Variants in CMIP observed in about 807,000 individuals in gnomAD.
CMIP encodes the protein c-Maf inducing protein, also known as C-Maf-inducing protein.
CMIP carries 13 observed loss-of-function variants against 97.3 expected under a neutral mutation model. The ratio of observed to expected loss-of-function variants is 0.13; its 90% CI spans 0.09 to 0.21. The LOEUF (loss-of-function observed/expected upper bound fraction) is 0.21, where lower values mean the gene tolerates loss of function less well. Among genes scored for constraint, CMIP ranks in the 10% least tolerant of loss-of-function variants. The probability of loss-of-function intolerance (pLI) is 1.00; values close to 1 mark genes in which losing one functional copy is unlikely to be tolerated. For missense variants in CMIP, 847 were observed against 1,024.9 expected (o/e 0.83, Z 2.37); for synonymous variants, 538 against 436.3 (o/e 1.23, Z -2.91).
At chr16:81,671,487 C>A (rs2092682697) in intron 8 of CMIP, among the ~76,000 whole-genome samples, 1 of 152,184 alleles carries the variant, frequency 6.6e-6, no homozygotes, top group Non-Finnish European at 1.5e-5. Flanking sequence ...TCTTCCAAAG[C>A]AGGATATGTT....
Position 81,652,184 on chromosome 16 carries a change from C to CT in CMIP, c.478-16dup. 6.2e-7 allele frequency: 1 copy of CT among 1,601,034 alleles called. No homozygotes were observed. ...TTACGTGAGTAACATGTTGCTGTCT[C>CT]TTTATCTCTTTCAACCAGAAAAAGA... On this transcript the variant is annotated intron_variant, in intron 3 of 20. Transcript: ENST00000537098. This position sits in a 1 kb window ranked among gnomAD's most constrained non-coding sequence, Gnocchi z 5.2.
At chr16:81,690,168 G>T (rs1471475559) in intron 10 of CMIP, among the ~76,000 whole-genome samples, 3 of 152,196 alleles carry the variant, frequency 2.0e-5, no homozygotes, top group Admixed American at 2.0e-4. Flanking sequence ...GAACTTTAAA[G>T]TAGTTTTTTC....
At chr16:81,479,983 C>G (rs948734579) in intron 1 of CMIP, among the ~76,000 whole-genome samples, 4 of 152,198 alleles carry the variant, frequency 2.6e-5, no homozygotes, top group Non-Finnish European at 4.4e-5. Context: ...GTGTGGTTCT[C>G]AGCCCTGGCC....
intron 1 of CMIP, among the ~76,000 whole-genome samples, chr16:81,473,587 G>C (rs750833376): frequency 6.6e-6 from 1 of 151,636 alleles, no homozygotes; most frequent in Non-Finnish European, 1.5e-5. Flanking sequence ...AGTTGGGCGG[G>C]GGTTGACTTA....
chr16:81,703,063 C>T (rs545915339), intron 17 of CMIP, among the ~76,000 whole-genome samples: 1 of 152,192 alleles, frequency 6.6e-6, no homozygotes, highest in African/African-American at 2.4e-5. Context: ...GGTCTTATTT[C>T]CTTCTATTCT....
Position 81,707,488 on chromosome 16 carries a change from C to G in CMIP, c.2268+404C>G, listed in dbSNP as rs535351634. Among the ~76,000 whole-genome samples, 3 of 152,326 alleles carry G rather than the reference C, an allele frequency of 2.0e-5. No homozygotes were observed. The South Asian group carries it at 6.2e-4, about 32-fold the overall frequency. ...GGGCTGGGGCCGGATGGAAAAAGCC[C>G]TCACAGGTCACAGCAGAGCAGCGAG... is the stretch of plus-strand genomic sequence containing the variant. On this transcript the variant is annotated intron_variant, in intron 20 of 20. Coordinates refer to ENST00000537098, the MANE Select transcript of CMIP (RefSeq NM_198390.3).
chr16:81,510,293 T>C (rs1309669653), intron 1 of CMIP, among the ~76,000 whole-genome samples: 2 of 152,044 alleles, frequency 1.3e-5, no homozygotes, highest in Non-Finnish European at 2.9e-5. Flanking sequence ...TGGGTGTGAG[T>C]CGCCCAAGTG....
chr16:81,613,387 A>G (rs2091863057), intron 2 of CMIP, among the ~76,000 whole-genome samples: 1 of 152,220 alleles, frequency 6.6e-6, no homozygotes, highest in African/African-American at 2.4e-5. Context: ...GTGGGGTCAG[A>G]CAGACCTGAG....
Position 81,652,402 on chromosome 16 carries a change from C to G in CMIP, c.639+38C>G. 1.3e-6 allele frequency: 2 copies of G among 1,564,924 alleles called. No homozygotes were observed. Among genetic ancestry groups the G allele is most frequent in the South Asian group, 1.1e-5 (1 of 87,644 alleles). ...CCCTGGACCCCTTTACATTGTTTGC[C>G]TTTCCCTCCACCGATCACCGGCTCC... On this transcript the variant is annotated intron_variant, in intron 4 of 20. Transcript: ENST00000537098. This position sits in a 1 kb window ranked among gnomAD's most constrained non-coding sequence, Gnocchi z 5.2.
chr16:81,556,965 G>T (rs1357385491), intron 1 of CMIP, among the ~76,000 whole-genome samples: 1 of 152,164 alleles, frequency 6.6e-6, no homozygotes, highest in East Asian at 1.9e-4. Flanking sequence ...GCCCTGGATG[G>T]GATCCAGGGA....
At chr16:81,534,574 ACTT>A (rs1232412357) in intron 1 of CMIP, among the ~76,000 whole-genome samples, 2 of 151,818 alleles carry the variant, frequency 1.3e-5, no homozygotes, top group Non-Finnish European at 2.9e-5. Context: ...TTAATTAGTG[ACTT>A]CTTAATTAGT....
intron 3 of CMIP, among the ~76,000 whole-genome samples, chr16:81,629,504 C>G (rs1432133723): frequency 2.0e-5 from 3 of 152,218 alleles, no homozygotes; most frequent in Non-Finnish European, 4.4e-5. Context: ...CCCTTGAACC[C>G]CACCCCACCT....
intron 1 of CMIP, among the ~76,000 whole-genome samples, chr16:81,551,423 A>T (rs1164095037): frequency 1.3e-5 from 2 of 152,254 alleles, no homozygotes; most frequent in Non-Finnish European, 2.9e-5. Context: ...GCTTCCTGGA[A>T]TCCCAGCCAC....
At chr16:81,495,578 T>A in intron 1 of CMIP, 1 of 1,441,442 alleles carries the variant, frequency 6.9e-7, no homozygotes, top group Non-Finnish European at 9.6e-7. Flanking sequence ...CACAGGCCAG[T>A]GAAATTCACA....
intron 1 of CMIP, among the ~76,000 whole-genome samples, chr16:81,507,425 C>T (rs1157865645): frequency 1.3e-5 from 2 of 152,144 alleles, no homozygotes; most frequent in South Asian, 4.1e-4. Context: ...GGTGTGTCCT[C>T]TATGTGTGTC....
chr16:81,512,121 A>T (rs1043495237), intron 1 of CMIP, among the ~76,000 whole-genome samples: 1 of 152,220 alleles, frequency 6.6e-6, no homozygotes, highest in African/African-American at 2.4e-5. Flanking sequence ...TTACTTTTTT[A>T]AAATGTGGCT....
At chr16:81,500,743 C>T (rs2089594378) in intron 1 of CMIP, among the ~76,000 whole-genome samples, 1 of 152,060 alleles carries the variant, frequency 6.6e-6, no homozygotes, top group South Asian at 2.1e-4. Context: ...CCCACCTTGG[C>T]CTCCCAAAGT....
chr16:81,667,711 C>T (rs1365840777), intron 7 of CMIP, among the ~76,000 whole-genome samples: 1 of 135,912 alleles, frequency 7.4e-6, no homozygotes, highest in South Asian at 2.7e-4. Context: ...AGATTAAATA[C>T]TTGTGAGGCA....
In CMIP at chr16:81,678,424, T is replaced by C. The variant is rs1904494371; in HGVS notation, c.1184T>C (p.Val395Ala). 6.3e-7 allele frequency: 1 copy of C among 1,593,836 alleles called. No homozygotes were observed. The highest frequency in any genetic ancestry group is 8.5e-7 in the Non-Finnish European group (1 of 1,171,220). The change falls in exon 10 of 21, where the codon GTG (valine) becomes GCG (alanine). Residue 395 changes from valine to alanine, a missense_variant. Physicochemically the swap from Val to Ala is moderately conservative, Grantham distance 64 (BLOSUM62 0). Around this residue, in one of 4 missense-constraint regions of CMIP, gnomAD observed 202 missense variants for 168.7 expected, o/e 1.20. Coordinates refer to ENST00000537098, the MANE Select transcript of CMIP (RefSeq NM_198390.3). ...ATLSEARLKSVVVASSEIHVE... is the reference protein window; with the variant it reads ...ATLSEARLKSAVVASSEIHVE... ...CTGTCTGAGGCCCGGCTCAAGTCGG[T>C]GGTCGTGGCCTCCAGTGAGATCCAC...
Sources: allele counts gnomAD v4.1 joint callset (sites outside exome capture counted in the v4.1 genomes callset), GRCh38; gene constraint gnomAD v4.1.1; regional missense constraint gnomAD v4.1.1; non-coding constraint Gnocchi (gnomAD v3.1); transcripts MANE v1.5; gene names NCBI Gene and HGNC (gene_info 2026-07-23, HGNC 2026-07-21).